The following GRID1 variants were observed in gnomAD, a reference collection of about 807,000 sequenced individuals.
GRID1 encodes the protein glutamate ionotropic receptor delta type subunit 1, also known as glutamate receptor ionotropic, delta-1.
In GRID1, 28 loss-of-function variants were observed where a neutral mutation model predicts 98.0. That is an observed-to-expected ratio of 0.29 (90% CI 0.21 to 0.39). The LOEUF (loss-of-function observed/expected upper bound fraction) is 0.39, where lower values mean the gene tolerates loss of function less well. GRID1 is among the 10% of genes least tolerant of loss of function. The probability of loss-of-function intolerance (pLI) is 1.00; values close to 1 mark genes in which losing one functional copy is unlikely to be tolerated. For missense variants in GRID1, 1,111 were observed against 1,340.5 expected (o/e 0.83, Z 2.67); for synonymous variants, 553 against 538.5 (o/e 1.03, Z -0.37).
chr10:85,630,964 G>A (rs953929752), intron 13 of GRID1, among the ~76,000 whole-genome samples: 4 of 152,188 alleles, frequency 2.6e-5, no homozygotes, highest in Non-Finnish European at 5.9e-5. Flanking sequence ...CTGAATGGAA[G>A]AAGGGAAACC....
intron 3 of GRID1, among the ~76,000 whole-genome samples, chr10:86,205,571 T>C (rs1846014220): frequency 6.6e-6 from 1 of 152,236 alleles, no homozygotes; most frequent in African/African-American, 2.4e-5. Context: ...AGGATGTTAC[T>C]GTGGGGGAAC....
At position 85,826,527 on chromosome 10, in the gene GRID1, C is replaced by T. The variant is rs56664090; in HGVS notation, c.1233+27969G>A. On this transcript the variant is annotated intron_variant, in intron 8 of 15. Coordinates refer to ENST00000327946, the MANE Select transcript of GRID1 (RefSeq NM_017551.3). ...TCCCCCGTCCCCCACCCTGTTGTTGCGGGCGTAAGCATGTGCCGGAATGCT... is the reference window on the plus strand; with the variant it reads ...TCCCCCGTCCCCCACCCTGTTGTTGTGGGCGTAAGCATGTGCCGGAATGCT... Among the ~76,000 whole-genome samples, 869 of 152,158 alleles carry T rather than the reference C, an allele frequency of 5.7e-3. 8 individuals are homozygous for T. Among genetic ancestry groups the T allele is most frequent in the African/African-American group, 0.02 (816 of 41,520 alleles).
intron 4 of GRID1, among the ~76,000 whole-genome samples, chr10:85,944,333 CAAGCAGCAAATTT>C (rs1476046162): frequency 1.3e-5 from 2 of 152,184 alleles, no homozygotes; most frequent in Non-Finnish European, 2.9e-5. Context: ...CTCAAGCTCA[CAAGCAGCAAATTT>C]AAGCATGGTA....
At chr10:86,095,779 A>ATGTTTT (rs1338853793) in intron 4 of GRID1, among the ~76,000 whole-genome samples, 18 of 152,344 alleles carry the variant, frequency 1.2e-4, no homozygotes, top group African/African-American at 3.8e-4. Context: ...GTAAACTAGT[A>ATGTTTT]CAGCCACTAT....
At chr10:85,782,505 G>T (rs1393617827) in intron 8 of GRID1, among the ~76,000 whole-genome samples, 1 of 152,210 alleles carries the variant, frequency 6.6e-6, no homozygotes. Context: ...ATTTAGTGAA[G>T]GTAGTCTAAT....
chr10:85,881,515 C>A (rs563958566), intron 5 of GRID1, among the ~76,000 whole-genome samples: 27 of 152,036 alleles, frequency 1.8e-4, no homozygotes, highest in East Asian at 5.8e-4. Context: ...CAAAAACAAG[C>A]AATGGGGAAA....
chr10:85,625,561 C>T (rs1842902917), intron 13 of GRID1, among the ~76,000 whole-genome samples: 1 of 152,216 alleles, frequency 6.6e-6, no homozygotes, highest in African/African-American at 2.4e-5. Flanking sequence ...ATGTGAGCAT[C>T]CATCCCTGGG....
chr10:86,230,414 G>A (rs1211219786), intron 2 of GRID1, among the ~76,000 whole-genome samples: 2 of 152,330 alleles, frequency 1.3e-5, no homozygotes, highest in East Asian at 1.9e-4. Flanking sequence ...GGCTTCCCTC[G>A]GAGCTGGAAG....
chr10:85,710,532 G>A lies in GRID1; in HGVS notation c.1997+12471C>T, dbSNP rs559683787. Reference sequence around the variant, plus strand: ...CATAAAACTCCCAGAAGAAAACATAGAGGAAAGCTTTATGACGTTAGATTT... The same window carrying A: ...CATAAAACTCCCAGAAGAAAACATAAAGGAAAGCTTTATGACGTTAGATTT... On this transcript the variant is annotated intron_variant, in intron 12 of 15. Coordinates refer to ENST00000327946, the MANE Select transcript of GRID1 (RefSeq NM_017551.3). 3.9e-5 allele frequency among the ~76,000 whole-genome samples: 6 copies of A among 152,146 alleles called. No homozygotes were observed. In the South Asian group the frequency reaches 6.2e-4, roughly 16 times the overall value.
intron 2 of GRID1, among the ~76,000 whole-genome samples, chr10:86,363,589 A>T (rs1366679764): frequency 2.0e-5 from 3 of 152,100 alleles, no homozygotes; most frequent in Admixed American, 2.0e-4. Flanking sequence ...CGGCACGCAG[A>T]CACGCCCACC....
intron 8 of GRID1, among the ~76,000 whole-genome samples, chr10:85,825,314 G>C (rs1199301728): frequency 1.3e-5 from 2 of 151,344 alleles, no homozygotes; most frequent in East Asian, 1.9e-4. Flanking sequence ...TTTCATGTTT[G>C]TTGGCCATTT....
chr10:85,737,592 T>C (rs1841895898), intron 8 of GRID1, among the ~76,000 whole-genome samples: 1 of 144,028 alleles, frequency 6.9e-6, no homozygotes, highest in African/African-American at 2.6e-5. Context: ...CACTTCTGCT[T>C]AAGATATAGA....
intron 3 of GRID1, among the ~76,000 whole-genome samples, chr10:86,144,395 G>A (rs941156893): frequency 1.3e-5 from 2 of 152,136 alleles, no homozygotes; most frequent in Admixed American, 6.5e-5. Context: ...TGACAAGGCT[G>A]GACTGTGGAA....
Position 86,362,892 on chromosome 10 carries a change from CT to C in GRID1, c.235+1048del, listed in dbSNP as rs1286706498. Among the ~76,000 whole-genome samples the C allele has an allele frequency of 4.6e-5, 7 of 152,380 alleles. 1 individual carries two copies. The highest frequency in any genetic ancestry group is 1.7e-4 in the African/African-American group (7 of 41,596). ...CACCTCCCACTACACCCACTGCCCCCTCTACACTTCTCTACCAGTTCCTCCA... is the reference window on the plus strand; with the variant it reads ...CACCTCCCACTACACCCACTGCCCCCCTACACTTCTCTACCAGTTCCTCCA... On this transcript the variant is annotated intron_variant, in intron 2 of 15. Transcript: ENST00000327946.
intron 4 of GRID1, among the ~76,000 whole-genome samples, chr10:85,933,303 A>G (rs985079950): frequency 9.7e-6 from 1 of 102,866 alleles, no homozygotes; most frequent in African/African-American, 3.1e-5. Flanking sequence ...AAAAAAAAAA[A>G]AAAAAAAAAC....
At chr10:86,011,405 G>C (rs1842922197) in intron 4 of GRID1, among the ~76,000 whole-genome samples, 1 of 152,014 alleles carries the variant, frequency 6.6e-6, no homozygotes, top group Admixed American at 6.6e-5. Context: ...TATTTGTTTA[G>C]TGAATAAAAT....
At chr10:85,983,751 G>A (rs1365291148) in intron 4 of GRID1, among the ~76,000 whole-genome samples, 1 of 152,156 alleles carries the variant, frequency 6.6e-6, no homozygotes, top group African/African-American at 2.4e-5. Context: ...CTCCAAGGCA[G>A]GCCCCAGATG....
chr10:85,949,376 G>T (rs11592406), intron 4 of GRID1, among the ~76,000 whole-genome samples: 93,847 of 151,950 alleles, frequency 0.62, 29,150 homozygotes, highest in Middle Eastern at 0.73. Flanking sequence ...AAATAAATCA[G>T]ATTGTACATA....
In GRID1 at chr10:86,105,261, T is replaced by C. The variant is rs1481188966; in HGVS notation, c.726+33558A>G. On this transcript the variant is annotated intron_variant, in intron 4 of 15. Transcript: ENST00000327946. ...AGCTTCAGTCTGCCCAAGAAGACAGTGAGGGTGGGCAAGGTTATGCCTGTC... is the reference window on the plus strand; with the variant it reads ...AGCTTCAGTCTGCCCAAGAAGACAGCGAGGGTGGGCAAGGTTATGCCTGTC... Among the ~76,000 whole-genome samples, 4 of 151,984 alleles carry C rather than the reference T, an allele frequency of 2.6e-5. No homozygotes were observed. The South Asian group carries it at 8.3e-4, about 32-fold the overall frequency.
Sources: gnomAD v4.1 joint callset for allele counts (sites outside exome capture counted in the v4.1 genomes callset) on GRCh38, gnomAD v4.1.1 for gene constraint, MANE v1.5 for transcripts, NCBI Gene and HGNC (gene_info 2026-07-23, HGNC 2026-07-21) for gene names.